The following CHRD variants were observed in gnomAD, a reference collection of about 807,000 sequenced individuals.
CHRD encodes chordin.
Under a neutral mutation model 113.7 loss-of-function variants are expected in CHRD, and 69 were observed. The observed-to-expected ratio is 0.61, with a 90% CI of 0.50 to 0.74. The LOEUF is 0.74. CHRD is among the 30% of genes least tolerant of loss of function. CHRD has a pLI of 0.00. For missense variants in CHRD, 1,194 were observed against 1,295.8 expected (o/e 0.92, Z 1.21); for synonymous variants, 561 against 540.8 (o/e 1.04, Z -0.52).
At position 184,386,019 on chromosome 3, in the gene CHRD, C is replaced by T. The variant is rs1484640552; in HGVS notation, c.1819-27C>T. The T allele has an allele frequency of 2.5e-6, 4 of 1,611,994 alleles. No homozygotes were observed. The South Asian group carries it at 4.4e-5, about 18-fold the overall frequency. Reference sequence around the variant, plus strand: ...AGGCTCAGCCCTAAAGTGCCTTATTCCTATCCATTGTCCTGTCTATGTGCA... The same window carrying T: ...AGGCTCAGCCCTAAAGTGCCTTATTTCTATCCATTGTCCTGTCTATGTGCA... On this transcript the variant is annotated intron_variant, in intron 14 of 22. Coordinates refer to ENST00000204604, the Ensembl canonical transcript of CHRD.
Position 184,384,064 on chromosome 3 carries a change from C to T in CHRD, c.1440+422C>T, listed in dbSNP as rs185554198. 2.8e-4 allele frequency among the ~76,000 whole-genome samples: 43 copies of T among 152,178 alleles called. No homozygotes were observed. Among genetic ancestry groups the T allele is most frequent in the African/African-American group, 7.5e-4 (31 of 41,522 alleles). Reference sequence around the variant, plus strand: ...TGCTGGGATTACAGGCGAGAGCCACCGTGCCCGGCATGATTTGACATTTTT... The same window carrying T: ...TGCTGGGATTACAGGCGAGAGCCACTGTGCCCGGCATGATTTGACATTTTT... On this transcript the variant is annotated intron_variant, in intron 12 of 22. Transcript: ENST00000204604. This position sits in a 1 kb window ranked among gnomAD's most constrained non-coding sequence, Gnocchi z 4.4.
chr3:184,385,166 C>T, exon 14 of CHRD: 1 of 1,614,132 alleles, frequency 6.2e-7, no homozygotes, highest in Non-Finnish European at 8.5e-7. Context: ...AAGGCACTGT[C>T]ACTGCCCACC....
Position 184,384,473 on chromosome 3 carries a change from TCCAAGA to T in CHRD, c.1441-62_1441-57del. The T allele has an allele frequency of 7.2e-7, 1 of 1,390,724 alleles. No homozygotes were observed. The highest frequency in any genetic ancestry group is 9.3e-7 in the Non-Finnish European group (1 of 1,071,162). 86.1% of individuals were successfully genotyped at this position (1,390,724 alleles called of 1,614,324 possible). On this transcript the variant is annotated intron_variant, in intron 12 of 22. Coordinates refer to ENST00000204604, the Ensembl canonical transcript of CHRD. The surrounding 1 kb of genome is among the most constrained non-coding windows in gnomAD (Gnocchi z 4.4). ...TGGGTGGAGTGGGGGCACAAAATGG[TCCAAGA>T]CTTCAGAACCTTGGACTCGTGTGAG...
chr3:184,385,666 C>CAA (rs533681477), intron 14 of CHRD, among the ~76,000 whole-genome samples: 36 of 39,346 alleles, frequency 9.1e-4, no homozygotes, highest in Admixed American at 1.4e-3. Context: ...AAATCCGTCT[C>CAA]AAAAAAAAAA....
At chr3:184,382,343 C>G (rs564985069) in intron 6 of CHRD, 46 bp from the exon 7 acceptor site, 7 of 1,613,310 alleles carry the variant, frequency 4.3e-6, no homozygotes, top group Non-Finnish European at 5.9e-6. Context: ...ATTGGCCTAG[C>G]CTGCACAGTG....
chr3:184,385,951 C>T (rs1335367698), intron 14 of CHRD, 95 bp from the exon 15 acceptor site: 1 of 1,297,944 alleles, frequency 7.7e-7, no homozygotes, highest in African/African-American at 1.5e-5. Flanking sequence ...CTTTATTTAA[C>T]CTCCCTGGCT....
At chr3:184,386,562 C>G in exon 16 of CHRD, 1 of 1,549,844 alleles carries the variant, frequency 6.5e-7, no homozygotes, top group East Asian at 2.4e-5. Context: ...GGGGTGCGGG[C>G]GCTGGGGGCT....
Position 184,384,404 on chromosome 3 carries a change from C to T in CHRD, c.1441-133C>T, listed in dbSNP as rs1715960569. ...GCAGGGGAGGGCCTTGAAACTGGGC[C>T]TGCCAGGTCCTTATCCTGTGTTTCT... On this transcript the variant is annotated intron_variant, in intron 12 of 22. Coordinates refer to ENST00000204604, the Ensembl canonical transcript of CHRD. The surrounding 1 kb of genome is among the most constrained non-coding windows in gnomAD (Gnocchi z 4.4). The T allele has an allele frequency of 9.1e-7, 1 of 1,096,248 alleles. No homozygotes were observed. Among genetic ancestry groups the T allele is most frequent in the Non-Finnish European group, 1.2e-6 (1 of 835,534 alleles). 67.9% of individuals were successfully genotyped at this position (1,096,248 alleles called of 1,614,324 possible).
exon 8 of CHRD, chr3:184,382,735 T>C: frequency 6.2e-7 from 1 of 1,613,936 alleles, no homozygotes; most frequent in Non-Finnish European, 8.5e-7. Context: ...CTTGCATTTT[T>C]TGCTGCTCTT....
chr3:184,384,568 G>A lies in CHRD; in HGVS notation c.1472G>A (p.Arg491Gln), dbSNP rs750433253. 7 of 1,591,592 alleles carry A rather than the reference G, an allele frequency of 4.4e-6. No homozygotes were observed. The highest frequency in any genetic ancestry group is 4.0e-5 in the African/African-American group (3 of 74,260). The change falls in exon 13 of 23, where the codon CGA (arginine) becomes CAA (glutamine). Residue 491 changes from arginine to glutamine, a missense_variant. Transcript: ENST00000204604. The surrounding 1 kb of genome is among the most constrained non-coding windows in gnomAD (Gnocchi z 4.4). ...GGTATCTGCCCTGGGCTGGGTGCCC[G>A]AGGGGCTCATATGCTGCTGCAGAAT...
At position 184,384,659 on chromosome 3, in the gene CHRD, C is replaced by T. The variant is rs1461994178; in HGVS notation, c.1563C>T (p.Ala521=). The change falls in exon 13 of 23, where the codon GCC becomes GCT. Residue 521 remains alanine, a synonymous_variant. Transcript: ENST00000204604. The surrounding 1 kb of genome is among the most constrained non-coding windows in gnomAD (Gnocchi z 4.4). Reference sequence around the variant, plus strand: ...GAGAGCTTCGGGGGCACGTGGCTGCCCTGCCCTACTGTGGGCATAGCGCCC... The same window carrying T: ...GAGAGCTTCGGGGGCACGTGGCTGCTCTGCCCTACTGTGGGCATAGCGCCC... The T allele has an allele frequency of 6.3e-7, 1 of 1,595,132 alleles. No individual in the cohort carries two copies. The highest frequency in any genetic ancestry group is 8.5e-7 in the Non-Finnish European group (1 of 1,170,924).
Position 184,380,509 on chromosome 3 carries a change from C to T in CHRD, c.148+43C>T. On this transcript the variant is annotated intron_variant, in intron 1 of 22. Coordinates refer to ENST00000204604, the Ensembl canonical transcript of CHRD. This position sits in a 1 kb window ranked among gnomAD's most constrained non-coding sequence, Gnocchi z 6.3. Reference sequence around the variant, plus strand: ...GGAGGCGCGGGCGGGGAGTCGGGCTCGGGGCGAGTCAGCGCCAGCCCGGAG... The same window carrying T: ...GGAGGCGCGGGCGGGGAGTCGGGCTTGGGGCGAGTCAGCGCCAGCCCGGAG... The T allele has an allele frequency of 9.1e-7, 1 of 1,095,566 alleles. No homozygotes were observed. The highest frequency in any genetic ancestry group is 4.0e-5 in the South Asian group (1 of 25,308). 67.9% of individuals were successfully genotyped at this position (1,095,566 alleles called of 1,614,324 possible). A position where few individuals can be genotyped will look rare whatever the true frequency, so the allele number is the denominator to read the frequency against.
At position 184,384,797 on chromosome 3, in the gene CHRD, C is replaced by T. The variant is rs554674001; in HGVS notation, c.1597+104C>T. 3.0e-5 allele frequency: 43 copies of T among 1,418,704 alleles called. No individual in the cohort carries two copies. In the East Asian group the frequency reaches 3.1e-4, roughly 10 times the overall value. The allele number at this position is 1,418,704 out of a possible 1,614,324, so 87.9% of individuals were successfully genotyped here. On this transcript the variant is annotated intron_variant, in intron 13 of 22. Coordinates refer to ENST00000204604, the Ensembl canonical transcript of CHRD. This position sits in a 1 kb window ranked among gnomAD's most constrained non-coding sequence, Gnocchi z 4.4. Reference sequence around the variant, plus strand: ...TGTGTCTTTCTTTGTGCCTAAGCTCCGGTTGCCATCTGAAGGTGGGGACAT... The same window carrying T: ...TGTGTCTTTCTTTGTGCCTAAGCTCTGGTTGCCATCTGAAGGTGGGGACAT...
chr3:184,386,797 A>G (rs1313551826), intron 16 of CHRD, 42 bp downstream of exon 16: 1 of 1,613,768 alleles, frequency 6.2e-7, no homozygotes, highest in Non-Finnish European at 8.5e-7. Flanking sequence ...TGGGATCTGG[A>G]GCAAGGGGCC....
chr3:184,385,899 C>T, intron 14 of CHRD, 147 bp from the exon 15 acceptor site: 3 of 789,668 alleles, frequency 3.8e-6, no homozygotes, highest in Non-Finnish European at 6.2e-6. Flanking sequence ...ACCTGGCTTC[C>T]AAGCTCCACA....
chr3:184,388,145 TGC>T lies in CHRD; in HGVS notation c.2554+113_2554+114del. On this transcript the variant is annotated intron_variant, in intron 20 of 22. Transcript: ENST00000204604. The surrounding 1 kb of genome is among the most constrained non-coding windows in gnomAD (Gnocchi z 6.1). ...GAGCATTATACTGAGCACTGCTCTG[TGC>T]CTAGCCTGGAGCCAGGACTCTAAAT... 2 of 903,730 alleles carry T rather than the reference TGC, an allele frequency of 2.2e-6. No homozygotes were observed. The highest frequency in any genetic ancestry group is 1.5e-5 in the South Asian group (1 of 68,174). The allele number at this position is 903,730 out of a possible 1,614,324, so 56.0% of individuals were successfully genotyped here.
rs1201947377 is a variant in CHRD, at chr3:184,384,158, C to T, written c.1441-379C>T. Among the ~76,000 whole-genome samples the T allele has an allele frequency of 6.6e-6, 1 of 152,170 alleles. No homozygotes were observed. The highest frequency in any genetic ancestry group is 2.4e-5 in the African/African-American group (1 of 41,444). On this transcript the variant is annotated intron_variant, in intron 12 of 22. Coordinates refer to ENST00000204604, the Ensembl canonical transcript of CHRD. This position sits in a 1 kb window ranked among gnomAD's most constrained non-coding sequence, Gnocchi z 4.4. Reference sequence around the variant, plus strand: ...GTGGCCCCTGTGCTTAGCAAGCTCACAGTCAAATGGGAGCATTGGACCTGG... The same window carrying T: ...GTGGCCCCTGTGCTTAGCAAGCTCATAGTCAAATGGGAGCATTGGACCTGG...
In CHRD at chr3:184,384,023, C is replaced by T. The variant is rs1362196355; in HGVS notation, c.1440+381C>T. 6.6e-6 allele frequency among the ~76,000 whole-genome samples: 1 copy of T among 152,168 alleles called. No homozygotes were observed. The highest frequency in any genetic ancestry group is 1.5e-5 in the Non-Finnish European group (1 of 68,036). ...ATCTCTTGACCTCATGGTCCGCCCA[C>T]TTCGGCCTCCCAAAGTGCTGGGATT... On this transcript the variant is annotated intron_variant, in intron 12 of 22. Coordinates refer to ENST00000204604, the Ensembl canonical transcript of CHRD. The surrounding 1 kb of genome is among the most constrained non-coding windows in gnomAD (Gnocchi z 4.4).
exon 8 of CHRD, chr3:184,382,704 T>G: frequency 6.2e-7 from 1 of 1,613,788 alleles, no homozygotes; most frequent in Non-Finnish European, 8.5e-7. Context: ...CCCTGCTCAC[T>G]CTCAGTGACA....
Sources: gnomAD v4.1 joint callset for allele counts (sites outside exome capture counted in the v4.1 genomes callset) on GRCh38, gnomAD v4.1.1 for gene constraint, Gnocchi (gnomAD v3.1) non-coding constraint, MANE v1.5 for transcripts, NCBI Gene and HGNC (gene_info 2026-07-23, HGNC 2026-07-21) for gene names.